PCDH11Y: variants seen among roughly 807,000 people sequenced by gnomAD.
PCDH11Y encodes protocadherin-11 Y-linked.
For missense variants in PCDH11Y, 12 were observed against 224.8 expected, an observed-to-expected ratio of 0.05 and a Z score of 6.05; for synonymous variants, 9 against 83.6, an observed-to-expected ratio of 0.11 and a Z score of 4.87.
chrY:5,448,986 A>G lies in PCDH11Y; in HGVS notation c.3130-52071A>G. On this transcript the variant is annotated intron_variant, in intron 2 of 4. Coordinates refer to the PCDH11Y transcript ENST00000400457. ...CTAGCTTACTTTATTATAAGAATAC[A>G]GTAGGTAGTACATATAACATACAAA... 8.9e-5 allele frequency among the ~76,000 whole-genome samples: 3 copies of G among 33,685 alleles called. No individual in the cohort carries two copies. In the Middle Eastern group the frequency reaches 0.041, roughly 461 times the overall value. 90.4% of individuals were successfully genotyped at this position (33,685 alleles called of 37,273 possible).
intron 2 of PCDH11Y, among the ~76,000 whole-genome samples, chrY:5,426,692 T>C: frequency 3.1e-5 from 1 of 32,714 alleles, no homozygotes; most frequent in Non-Finnish European, 7.6e-5. Context: ...TTAACTTACA[T>C]GTTAAAGTAA....
At chrY:5,552,360 T>C (rs2053419364) in intron 3 of PCDH11Y, among the ~76,000 whole-genome samples, 1 of 32,982 alleles carries the variant, frequency 3.0e-5, no homozygotes, top group Non-Finnish European at 7.5e-5. Flanking sequence ...TTTAGGGTCA[T>C]ACCTCTGAAG....
chrY:5,112,424 A>G, intron 2 of PCDH11Y, among the ~76,000 whole-genome samples: 1 of 33,131 alleles, frequency 3.0e-5, no homozygotes, highest in Non-Finnish European at 7.5e-5. Context: ...AATATATCCA[A>G]GTAAAAGTCC....
intron 4 of PCDH11Y, among the ~76,000 whole-genome samples, chrY:5,728,444 T>C: frequency 3.0e-5 from 1 of 33,031 alleles, no homozygotes; most frequent in Non-Finnish European, 7.5e-5. Context: ...CAGCACTTGG[T>C]ATTTTTAGTT....
intron 2 of PCDH11Y, among the ~76,000 whole-genome samples, chrY:5,243,448 C>G: frequency 7.0e-5 from 2 of 28,433 alleles, no homozygotes; most frequent in African/African-American, 5.2e-4. Flanking sequence ...AGTCAGTAAA[C>G]TATGAATCCT....
chrY:5,467,727 C>A, intron 2 of PCDH11Y, among the ~76,000 whole-genome samples: 1 of 33,118 alleles, frequency 3.0e-5, no homozygotes. Flanking sequence ...GACTGGTCTT[C>A]CTTTGCCAGC....
At chrY:5,241,139 A>AT (rs71243505) in intron 2 of PCDH11Y, among the ~76,000 whole-genome samples, 16 of 26,395 alleles carry the variant, frequency 6.1e-4, no homozygotes, top group Admixed American at 2.5e-3. Flanking sequence ...TGCTAACTTC[A>AT]TTTTTTTTTT....
chrY:5,227,072 A>G (rs2052961633), intron 2 of PCDH11Y, among the ~76,000 whole-genome samples: 1 of 32,562 alleles, frequency 3.1e-5, no homozygotes, highest in Non-Finnish European at 7.5e-5. Context: ...CCAATCCATG[A>G]AAATGGAATT....
At chrY:5,710,376 GC>G in intron 4 of PCDH11Y, among the ~76,000 whole-genome samples, 1 of 32,856 alleles carries the variant, frequency 3.0e-5, no homozygotes, top group African/African-American at 1.2e-4. Flanking sequence ...CAGGCTTCTG[GC>G]TCCTCTCTCT....
intron 3 of PCDH11Y, among the ~76,000 whole-genome samples, chrY:5,524,278 G>T (rs2053384286): frequency 3.0e-5 from 1 of 33,089 alleles, no homozygotes; most frequent in Non-Finnish European, 7.5e-5. Context: ...TAAGAAAAAG[G>T]CTTAATTTAA....
At chrY:5,028,241 T>C in intron 1 of PCDH11Y, among the ~76,000 whole-genome samples, 1 of 33,500 alleles carries the variant, frequency 3.0e-5, no homozygotes, top group Non-Finnish European at 7.4e-5. Flanking sequence ...TGACTGTATC[T>C]ACACCATCAC....
chrY:5,069,063 TA>T (rs2052694335), intron 1 of PCDH11Y, among the ~76,000 whole-genome samples: 2 of 33,016 alleles, frequency 6.1e-5, no homozygotes, highest in African/African-American at 2.4e-4. Flanking sequence ...CACTCTGTTT[TA>T]ATTTAGCAGA....
At chrY:5,594,253 C>T (rs2053465097) in intron 4 of PCDH11Y, among the ~76,000 whole-genome samples, 10 of 32,561 alleles carry the variant, frequency 3.1e-4, no homozygotes, top group Non-Finnish European at 6.0e-4. Flanking sequence ...GGCAGAGGTC[C>T]CCACTCAGGG....
chrY:5,281,676 G>A (rs2053054042), intron 2 of PCDH11Y, among the ~76,000 whole-genome samples: 1 of 29,001 alleles, frequency 3.4e-5, no homozygotes, highest in Non-Finnish European at 8.2e-5. Context: ...GAAGGGAAAC[G>A]TAATAGCCTA....
At chrY:5,212,527 T>A in intron 2 of PCDH11Y, among the ~76,000 whole-genome samples, 1 of 31,809 alleles carries the variant, frequency 3.1e-5, no homozygotes, top group Non-Finnish European at 7.7e-5. Context: ...ATAATGGCAC[T>A]TTTGTTGTTG....
intron 4 of PCDH11Y, among the ~76,000 whole-genome samples, chrY:5,672,455 G>A: frequency 3.4e-5 from 1 of 29,756 alleles, no homozygotes; most frequent in African/African-American, 1.3e-4. Context: ...CTCATTACTT[G>A]TTATTTGTCT....
At chrY:5,415,540 C>A (rs2124678930) in intron 2 of PCDH11Y, among the ~76,000 whole-genome samples, 1 of 29,696 alleles carries the variant, frequency 3.4e-5, no homozygotes, top group East Asian at 8.9e-4. Flanking sequence ...TGCAAGTAGG[C>A]GTGGCCAGGG....
At chrY:5,619,993 G>C in intron 4 of PCDH11Y, among the ~76,000 whole-genome samples, 1 of 27,110 alleles carries the variant, frequency 3.7e-5, no homozygotes, top group Non-Finnish European at 8.7e-5. Flanking sequence ...GAAATAACTA[G>C]AGAATCAAGA....
intron 3 of PCDH11Y, among the ~76,000 whole-genome samples, chrY:5,521,698 C>A: frequency 3.5e-5 from 1 of 28,753 alleles, no homozygotes; most frequent in Non-Finnish European, 8.2e-5. Context: ...TTGTCAATTT[C>A]ATAGAGTTAG....
Sources: allele counts gnomAD v4.1 joint callset (sites outside exome capture counted in the v4.1 genomes callset), GRCh38; gene constraint gnomAD v4.1.1; transcripts MANE v1.5; gene names NCBI Gene and HGNC (gene_info 2026-07-23, HGNC 2026-07-21).